ADGRD2: variants seen among roughly 807,000 people sequenced by gnomAD.
ADGRD2 encodes G protein-coupled receptor PGR24.
Under a neutral mutation model 44.4 loss-of-function variants are expected in ADGRD2, and 71 were observed. The observed-to-expected ratio is 1.60, with a 90% CI of 1.32 to 1.95. The LOEUF (loss-of-function observed/expected upper bound fraction) is 1.95. Ranked by LOEUF, ADGRD2 falls within the 30% of genes most tolerant of loss-of-function variation. The pLI, the probability that ADGRD2 is intolerant of heterozygous loss-of-function variation, is 0.00. For synonymous variants in ADGRD2, 481 were observed against 224.8 expected, an observed-to-expected ratio of 2.14 and a Z score of -10.19; for missense variants, 1,039 against 512.4, an observed-to-expected ratio of 2.03 and a Z score of -9.92.
At chr9:124,459,043 G>C (rs1015424009) in intron 10 of ADGRD2, among the ~76,000 whole-genome samples, 4 of 152,180 alleles carry the variant, frequency 2.6e-5, no homozygotes, top group African/African-American at 9.7e-5. Flanking sequence ...TGCATAACTT[G>C]AAAACCTGTT....
upstream of ADGRD2, chr9:124,452,087 C>T (rs1263606394): frequency 1.5e-6 from 1 of 650,844 alleles, no homozygotes; most frequent in African/African-American, 1.8e-5. Context: ...TTCTTCTCTC[C>T]CAGATCAGGA....
intron 1 of ADGRD2, 175 bp from the exon 5 acceptor site, chr9:124,452,335 C>T (rs1408983379): frequency 1.6e-6 from 1 of 641,360 alleles, no homozygotes; most frequent in Non-Finnish European, 2.9e-6. Context: ...TGCCATTGCG[C>T]AGATGACGAA....
intron 17 of ADGRD2, 82 bp from the exon 21 acceptor site, chr9:124,475,364 C>T (rs1375328396): frequency 7.5e-6 from 5 of 664,098 alleles, no homozygotes; most frequent in Non-Finnish European, 1.1e-5. Flanking sequence ...CACTGGGAGG[C>T]GCCGGGACCC....
chr9:124,456,563 G>A, intron 6 of ADGRD2, 59 bp from the exon 10 acceptor site: 1 of 713,628 alleles, frequency 1.4e-6, no homozygotes, highest in East Asian at 2.7e-5. Context: ...CCAGCGCTCA[G>A]GGCAGGCGGC....
In ADGRD2 at chr9:124,454,103, C is replaced by T. The variant is rs757807409; in HGVS notation, c.1022+6C>T. On this transcript the variant is annotated splice_donor_region_variant and intron_variant, in intron 4 of 21. Coordinates refer to ENST00000334810, the Ensembl canonical transcript of ADGRD2. The surrounding 1 kb of genome is among the most constrained non-coding windows in gnomAD (Gnocchi z 4.5). ...CCTCTGCTGCTACCGGACAGGTGCGCCCTGGCTGTACCCCTGGGCTCTGCT... is the reference window on the plus strand; with the variant it reads ...CCTCTGCTGCTACCGGACAGGTGCGTCCTGGCTGTACCCCTGGGCTCTGCT... 24 of 693,938 alleles carry T rather than the reference C, an allele frequency of 3.5e-5. No individual in the cohort carries two copies. Among genetic ancestry groups the T allele is most frequent in the African/African-American group, 1.6e-4 (9 of 56,480 alleles). 43.0% of individuals were successfully genotyped at this position (693,938 alleles called of 1,614,324 possible). A position where few individuals can be genotyped will look rare whatever the true frequency, so the allele number is the denominator to read the frequency against.
chr9:124,466,431 G>A lies in ADGRD2; in HGVS notation c.2026+18G>A. 1.5e-6 allele frequency: 1 copy of A among 668,488 alleles called. No individual in the cohort carries two copies. Among genetic ancestry groups the A allele is most frequent in the East Asian group, 2.8e-5 (1 of 35,686 alleles). 41.4% of individuals were successfully genotyped at this position (668,488 alleles called of 1,614,324 possible). On this transcript the variant is annotated intron_variant, in intron 11 of 21. Transcript: ENST00000334810. ...AAGTACAGGTGAGTGCACGGTGGGA[G>A]GGGGGTGTCAGGAGGGGGCTTCTTA...
At chr9:124,473,764 G>C (rs1831994303) in intron 17 of ADGRD2, among the ~76,000 whole-genome samples, 1 of 152,200 alleles carries the variant, frequency 6.6e-6, no homozygotes, top group Non-Finnish European at 1.5e-5. Context: ...TGGGGACAGA[G>C]GAACAACTCA....
chr9:124,474,863 C>T (rs921437917), intron 17 of ADGRD2, among the ~76,000 whole-genome samples: 10 of 152,196 alleles, frequency 6.6e-5, no homozygotes, highest in Admixed American at 2.6e-4. Context: ...GGTGGTGAGG[C>T]CCTCTTGGTC....
At chr9:124,471,088 G>A (rs545752870) in intron 17 of ADGRD2, among the ~76,000 whole-genome samples, 1 of 152,098 alleles carries the variant, frequency 6.6e-6, no homozygotes, top group Non-Finnish European at 1.5e-5. Flanking sequence ...CGGGCTTCCC[G>A]GGTCTCTTGG....
upstream of ADGRD2, chr9:124,451,609 G>A (rs1831470869): frequency 3.5e-6 from 1 of 282,792 alleles, no homozygotes; most frequent in Non-Finnish European, 6.9e-6. Context: ...TTTTTCCTCA[G>A]TCCAAGTTGG....
intron 13 of ADGRD2, 47 bp from the exon 17 acceptor site, chr9:124,468,471 AC>A (rs1282213969): frequency 7.0e-6 from 5 of 716,908 alleles, no homozygotes. Context: ...GCTGGCCTGC[AC>A]CTGCGTCTGA....
exon 3 of ADGRD2, chr9:124,453,518 A>T (rs1036961791): frequency 1.4e-6 from 1 of 701,272 alleles, no homozygotes; most frequent in Non-Finnish European, 2.6e-6. Flanking sequence ...AACCTCACCG[A>T]CTTCCACCTG....
chr9:124,466,529 C>T (rs1831828241), intron 11 of ADGRD2, 116 bp downstream of exon 14: 6 of 570,370 alleles, frequency 1.1e-5, no homozygotes, highest in Non-Finnish European at 6.5e-6. Flanking sequence ...CATAGATTGT[C>T]GGGGACAGGG....
At chr9:124,472,657 C>A (rs1831971678) in intron 17 of ADGRD2, among the ~76,000 whole-genome samples, 1 of 152,142 alleles carries the variant, frequency 6.6e-6, no homozygotes, top group African/African-American at 2.4e-5. Flanking sequence ...CAGGCACCTG[C>A]CACCACGCCT....
intron 16 of ADGRD2, 84 bp from the exon 20 acceptor site, chr9:124,470,410 C>T (rs1040493044): frequency 1.4e-4 from 92 of 647,208 alleles, no homozygotes; most frequent in African/African-American, 1.0e-3. Context: ...GCTCCAGGCA[C>T]GTACAGGTGC....
At chr9:124,458,867 G>A (rs1160713638) in intron 10 of ADGRD2, 146 bp downstream of exon 13, 2 of 585,722 alleles carry the variant, frequency 3.4e-6, no homozygotes, top group Non-Finnish European at 6.2e-6. Flanking sequence ...TTGTCCTCAA[G>A]GGAATGGGAA....
chr9:124,463,977 G>A lies in ADGRD2; in HGVS notation c.1871-2281G>A, dbSNP rs1254962335. 5.3e-5 allele frequency among the ~76,000 whole-genome samples: 8 copies of A among 151,960 alleles called. No homozygotes were observed. In the South Asian group the frequency reaches 1.7e-3, roughly 32 times the overall value. ...CTCACCCTCCCAAGTAGGTGGTACT[G>A]CAGGTCCATACCACCACGCCTGGCT... On this transcript the variant is annotated intron_variant, in intron 10 of 21. Coordinates refer to ENST00000334810, the Ensembl canonical transcript of ADGRD2.
intron 12 of ADGRD2, 101 bp downstream of exon 15, chr9:124,467,925 G>T: frequency 1.4e-6 from 1 of 704,046 alleles, no homozygotes; most frequent in Admixed American, 2.0e-5. Flanking sequence ...GGTCCCAGCA[G>T]AACCTTGGTC....
At chr9:124,477,136 G>T (rs1223803719) in intron 21 of ADGRD2, 2 of 460,834 alleles carry the variant, frequency 4.3e-6, no homozygotes, top group Admixed American at 4.9e-5. Context: ...ACCCGCTGAG[G>T]GAGAAGTGCT....
Sources: allele counts gnomAD v4.1 joint callset (sites outside exome capture counted in the v4.1 genomes callset), GRCh38; gene constraint gnomAD v4.1.1; non-coding constraint Gnocchi (gnomAD v3.1); transcripts MANE v1.5; gene names NCBI Gene and HGNC (gene_info 2026-07-23, HGNC 2026-07-21).